Variants in FLACC1 observed in about 807,000 individuals in gnomAD.
FLACC1 encodes the protein flagellum-associated coiled-coil domain-containing protein 1.
In FLACC1, 66 loss-of-function variants were observed where a neutral mutation model predicts 62.8. The observed-to-expected ratio is 1.05, with a 90% CI of 0.86 to 1.29. FLACC1 has a LOEUF of 1.29. FLACC1 is among the 50% of genes most tolerant of loss of function. The pLI is 0.00. For synonymous variants in FLACC1, 156 were observed against 161.0 expected (o/e 0.97, Z 0.24); for missense variants, 452 against 489.1 (o/e 0.92, Z 0.71).
chr2:201,363,291 C>T, the FLACC1 span, among the ~76,000 whole-genome samples: 2 of 151,500 alleles, frequency 1.3e-5, no homozygotes, highest in Non-Finnish European at 2.9e-5. Context: ...GATTGTGGTG[C>T]AAGGGTGCCC....
At chr2:201,351,083 T>C (rs1219496840) in intron 2 of FLACC1, among the ~76,000 whole-genome samples, 2 of 152,164 alleles carry the variant, frequency 1.3e-5, no homozygotes, top group Non-Finnish European at 2.9e-5. Context: ...CACTGAGACT[T>C]CCTCATTTAA....
chr2:201,300,323 C>T (rs1474362918), intron 11 of FLACC1, among the ~76,000 whole-genome samples: 2 of 152,216 alleles, frequency 1.3e-5, no homozygotes, highest in African/African-American at 4.8e-5. Flanking sequence ...GCTTTGCTCA[C>T]TGCTAGCACA....
chr2:201,307,560 A>T lies in FLACC1; in HGVS notation c.838T>A (p.Ser280Thr), dbSNP rs952890109. The change falls in exon 11 of 15, where the codon TCC becomes ACC. Residue 280 changes from serine to threonine, a missense_variant. Physicochemically the swap from Ser to Thr is moderately conservative, Grantham distance 58 (BLOSUM62 1). This residue lies in a region of FLACC1 where 301 missense variants were observed against 318.4 expected (regional missense o/e 0.95). Coordinates refer to ENST00000392257, the MANE Select transcript of FLACC1 (RefSeq NM_001127391.3). ...AAGTTCTCAAAGACAGCACTGCAGG[A>T]TTCATTTATTTTCTTATCTTCTTCT... The part of the protein sequence containing the change: ...SGEEDKKINE[S>T]CSAVFENFIQ... 1.9e-6 allele frequency: 3 copies of T among 1,614,206 alleles called. No homozygotes were observed. Among genetic ancestry groups the T allele is most frequent in the Non-Finnish European group, 2.5e-6 (3 of 1,180,036 alleles).
rs1032608463 is a variant in FLACC1 at position 201,326,327 on chromosome 2, A to T, written c.675+4143T>A. On this transcript the variant is annotated intron_variant, in intron 9 of 14. Transcript: ENST00000392257. This position sits in a 1 kb window ranked among gnomAD's most constrained non-coding sequence, Gnocchi z 4.1. ...TCTGGAAGTCCTAGCTAGAGCAATT[A>T]GACAGGAGAAAGAAATAAAGGGCGT... is the stretch of plus-strand genomic sequence containing the variant. 6.6e-6 allele frequency among the ~76,000 whole-genome samples: 1 copy of T among 152,224 alleles called. No homozygotes were observed. Among genetic ancestry groups the T allele is most frequent in the Non-Finnish European group, 1.5e-5 (1 of 68,042 alleles).
At chr2:201,350,928 T>A in intron 2 of FLACC1, 146 bp from the exon 3 acceptor site, 1 of 697,270 alleles carries the variant, frequency 1.4e-6, no homozygotes, top group Non-Finnish European at 2.4e-6. Context: ...CTGAGGCCTT[T>A]AAAACTCAGG....
At chr2:201,330,670 A>G in intron 8 of FLACC1, 66 bp downstream of exon 8, 1 of 1,573,356 alleles carries the variant, frequency 6.4e-7, no homozygotes, top group Non-Finnish European at 8.7e-7. Context: ...ATCACCCTAG[A>G]AGCTTATTAG....
At chr2:201,329,811 A>C (rs528967458) in intron 9 of FLACC1, among the ~76,000 whole-genome samples, 6 of 152,372 alleles carry the variant, frequency 3.9e-5, no homozygotes, top group African/African-American at 1.2e-4. Flanking sequence ...GAGATCATTC[A>C]TATCCCAAAC....
chr2:201,308,620 AGGTGCACC>A, intron 10 of FLACC1, among the ~76,000 whole-genome samples: 1 of 152,204 alleles, frequency 6.6e-6, no homozygotes, highest in African/African-American at 2.4e-5. Context: ...TGGGGGTGGG[AGGTGCACC>A]TATAGAATAC....
chr2:201,327,219 T>C (rs2125588854), intron 9 of FLACC1, among the ~76,000 whole-genome samples: 1 of 152,118 alleles, frequency 6.6e-6, no homozygotes, highest in South Asian at 2.1e-4. Flanking sequence ...CTATAAAAAT[T>C]CTAGAAGACA....
At chr2:201,309,925 A>AAAGAAAAAAAAAAAAAAAAAG (rs1950185474) in intron 9 of FLACC1, among the ~76,000 whole-genome samples, 1 of 99,464 alleles carries the variant, frequency 1.0e-5, no homozygotes, top group African/African-American at 3.1e-5. Context: ...AAAAAAAAAA[A>AAAGAAAAAAAAAAAAAAAAAG]AAGAAGAAGA....
intron 3 of FLACC1, among the ~76,000 whole-genome samples, 180 bp downstream of exon 3, chr2:201,350,531 T>G (rs1410149906): frequency 1.3e-5 from 2 of 151,632 alleles, no homozygotes; most frequent in East Asian, 1.9e-4. Flanking sequence ...TACAAAAAAG[T>G]AGCCAGGCAT....
intron 11 of FLACC1, among the ~76,000 whole-genome samples, chr2:201,303,965 C>T (rs1399532829): frequency 1.3e-5 from 2 of 152,160 alleles, no homozygotes; most frequent in African/African-American, 2.4e-5. Flanking sequence ...AAACCCACAG[C>T]CAATATCATA....
At chr2:201,335,582 T>A (rs1003442709) in intron 7 of FLACC1, among the ~76,000 whole-genome samples, 1 of 152,200 alleles carries the variant, frequency 6.6e-6, no homozygotes, top group African/African-American at 2.4e-5. Flanking sequence ...TGGGTTACTA[T>A]AGCTTTGTAG....
At chr2:201,332,698 A>C (rs1242295477) in intron 7 of FLACC1, among the ~76,000 whole-genome samples, 1 of 152,062 alleles carries the variant, frequency 6.6e-6, no homozygotes, top group Non-Finnish European at 1.5e-5. Flanking sequence ...GTACCCTTTG[A>C]CCATCATCTC....
intron 11 of FLACC1, among the ~76,000 whole-genome samples, chr2:201,305,563 A>G (rs1474741125): frequency 3.3e-5 from 5 of 152,366 alleles, no homozygotes; most frequent in Admixed American, 1.3e-4. Flanking sequence ...ATCCCATTTG[A>G]CACAGCCATC....
At chr2:201,294,739 T>C (rs1289546493) in intron 12 of FLACC1, among the ~76,000 whole-genome samples, 2 of 152,204 alleles carry the variant, frequency 1.3e-5, no homozygotes, top group African/African-American at 4.8e-5. Flanking sequence ...ATTGTCCCTG[T>C]TTGCAGATGA....
intron 11 of FLACC1, among the ~76,000 whole-genome samples, chr2:201,304,676 C>G (rs1291744683): frequency 6.6e-6 from 1 of 152,140 alleles, no homozygotes; most frequent in East Asian, 1.9e-4. Flanking sequence ...TACCTGACTT[C>G]AAACTATACT....
Position 201,301,281 on chromosome 2 carries a change from C to T in FLACC1, c.880-1981G>A, listed in dbSNP as rs188795487. ...ATCATGGCACAAGAACTATGTGATG[C>T]ACGCACAAGCTTCAGTAGCTGATTC... On this transcript the variant is annotated intron_variant, in intron 11 of 14. Transcript: ENST00000392257. Among the ~76,000 whole-genome samples the T allele has an allele frequency of 1.1e-4, 17 of 152,250 alleles. No individual in the cohort carries two copies. In the East Asian group the frequency reaches 2.3e-3, roughly 21 times the overall value.
At chr2:201,301,431 T>C (rs1402673435) in intron 11 of FLACC1, among the ~76,000 whole-genome samples, 1 of 142,226 alleles carries the variant, frequency 7.0e-6, no homozygotes, top group East Asian at 2.0e-4. Flanking sequence ...TGGGACTATG[T>C]GAAAAGACCA....
Sources: allele counts gnomAD v4.1 joint callset (sites outside exome capture counted in the v4.1 genomes callset), GRCh38; gene constraint gnomAD v4.1.1; regional missense constraint gnomAD v4.1.1; non-coding constraint Gnocchi (gnomAD v3.1); transcripts MANE v1.5; gene names NCBI Gene and HGNC (gene_info 2026-07-23, HGNC 2026-07-21).